Variants in BACH2 observed in about 807,000 individuals in gnomAD.
BACH2 encodes the protein BACH transcriptional regulator 2.
BACH2 carries 5 observed loss-of-function variants against 61.8 expected under a neutral mutation model. That is an observed-to-expected ratio of 0.08 (90% CI 0.04 to 0.17). The LOEUF (loss-of-function observed/expected upper bound fraction) is 0.17, where lower values mean the gene tolerates loss of function less well. Among genes scored for constraint, BACH2 ranks in the 10% least tolerant of loss-of-function variants. The probability of loss-of-function intolerance (pLI) is 1.00; values close to 1 mark genes in which losing one functional copy is unlikely to be tolerated. For synonymous variants in BACH2, 446 were observed against 440.1 expected (o/e 1.01, Z -0.17); for missense variants, 824 against 1,091.1 (o/e 0.76, Z 3.45).
At chr6:90,026,518 A>G (rs1432230065) in intron 5 of BACH2, among the ~76,000 whole-genome samples, 2 of 152,196 alleles carry the variant, frequency 1.3e-5, no homozygotes, top group Non-Finnish European at 2.9e-5. Flanking sequence ...ATAACCTGCC[A>G]AAGTTAGATT....
At chr6:90,185,351 T>TA (rs1216555864) in intron 4 of BACH2, among the ~76,000 whole-genome samples, 1 of 152,144 alleles carries the variant, frequency 6.6e-6, no homozygotes, top group Non-Finnish European at 1.5e-5. Context: ...CCTAATATTA[T>TA]AAAATCACTA....
At chr6:90,028,211 T>C (rs1459938318) in intron 5 of BACH2, among the ~76,000 whole-genome samples, 1 of 152,224 alleles carries the variant, frequency 6.6e-6, no homozygotes, top group Non-Finnish European at 1.5e-5. Flanking sequence ...TCAGGAATTA[T>C]CCTCACCACT....
intron 6 of BACH2, among the ~76,000 whole-genome samples, chr6:89,969,547 G>C (rs1290434259): frequency 6.6e-6 from 1 of 152,200 alleles, no homozygotes; most frequent in Non-Finnish European, 1.5e-5. Flanking sequence ...GGGACAGAGA[G>C]CGCAGCACCA....
intron 4 of BACH2, among the ~76,000 whole-genome samples, chr6:90,197,861 T>C (rs1768811892): frequency 6.6e-6 from 1 of 152,172 alleles, no homozygotes; most frequent in South Asian, 2.1e-4. Flanking sequence ...CCTCAAAAAA[T>C]GAGGATGAAC....
intron 4 of BACH2, among the ~76,000 whole-genome samples, chr6:90,149,465 T>C (rs369226085): frequency 6.6e-6 from 1 of 152,150 alleles, no homozygotes; most frequent in African/African-American, 2.4e-5. Context: ...CTCTGTTTGA[T>C]CTCCTGAGAG....
intron 5 of BACH2, among the ~76,000 whole-genome samples, chr6:90,065,203 C>T (rs1780885928): frequency 6.8e-6 from 1 of 147,684 alleles, no homozygotes; most frequent in South Asian, 2.1e-4. Context: ...ATCCTTGAGG[C>T]ATGTCCAGCA....
chr6:90,131,770 A>G lies in BACH2; in HGVS notation c.-161-42661T>C, dbSNP rs780322301. On this transcript the variant is annotated intron_variant, in intron 4 of 8. Transcript: ENST00000257749. ...TCAATTTTGTGGTATTGGTTCCACC[A>G]TAAGAAAGGGAACCCAAATGATGAG... Among the ~76,000 whole-genome samples, 14 of 152,242 alleles carry G rather than the reference A, an allele frequency of 9.2e-5. No homozygotes were observed. The South Asian group carries it at 2.1e-3, about 22-fold the overall frequency.
intron 7 of BACH2, among the ~76,000 whole-genome samples, chr6:89,941,163 C>G (rs1415901846): frequency 1.3e-5 from 2 of 152,176 alleles, no homozygotes; most frequent in Non-Finnish European, 2.9e-5. Flanking sequence ...ACATTTGATC[C>G]TGAGCCCAGG....
At chr6:90,239,514 T>C (rs1373596259) in intron 3 of BACH2, among the ~76,000 whole-genome samples, 2 of 152,144 alleles carry the variant, frequency 1.3e-5, no homozygotes, top group African/African-American at 4.8e-5. Context: ...TAAAAGAACA[T>C]AGCCACCCTG....
chr6:90,013,912 A>G (rs1777872040), intron 5 of BACH2, among the ~76,000 whole-genome samples: 1 of 151,710 alleles, frequency 6.6e-6, no homozygotes, highest in Non-Finnish European at 1.5e-5. Flanking sequence ...CTGAGTAGCT[A>G]GGACTACAGG....
At chr6:89,963,395 G>A (rs1386581617) in intron 6 of BACH2, among the ~76,000 whole-genome samples, 2 of 152,136 alleles carry the variant, frequency 1.3e-5, no homozygotes, top group Non-Finnish European at 2.9e-5. Flanking sequence ...CCAGGCTCAA[G>A]TGCTCCTCCC....
intron 5 of BACH2, among the ~76,000 whole-genome samples, chr6:90,063,876 C>T (rs990932597): frequency 2.6e-5 from 4 of 151,846 alleles, no homozygotes; most frequent in Non-Finnish European, 5.9e-5. Flanking sequence ...AATGATATTT[C>T]AGAAATAAGG....
chr6:89,937,379 A>T (rs543563487), intron 8 of BACH2, among the ~76,000 whole-genome samples: 5 of 152,320 alleles, frequency 3.3e-5, no homozygotes, highest in African/African-American at 1.2e-4. Flanking sequence ...AGTACTGGGA[A>T]GTTTTCCAGC....
chr6:90,122,767 C>T (rs1230035085), intron 4 of BACH2, among the ~76,000 whole-genome samples: 1 of 152,152 alleles, frequency 6.6e-6, no homozygotes, highest in East Asian at 1.9e-4. Context: ...AACTGCTTGA[C>T]AAGAGGGAGA....
chr6:90,139,032 G>C (rs1392683292), intron 4 of BACH2, among the ~76,000 whole-genome samples: 1 of 152,032 alleles, frequency 6.6e-6, no homozygotes, highest in Admixed American at 6.5e-5. Context: ...CCGTACACAT[G>C]CACTTTAGCA....
Position 90,077,707 on chromosome 6 carries a change from T to A in BACH2, c.-13+11254A>T, listed in dbSNP as rs545230506. Among the ~76,000 whole-genome samples the A allele has an allele frequency of 2.3e-4, 35 of 152,340 alleles. 1 individual carries two copies. The South Asian group carries it at 7.2e-3, about 32-fold the overall frequency. ...AAAACTAAGCCACCACTGTTTTATA[T>A]CTGTCCTGTATTTTAATTCCTTAGC... On this transcript the variant is annotated intron_variant, in intron 5 of 8. Coordinates refer to ENST00000257749, the MANE Select transcript of BACH2 (RefSeq NM_021813.4).
chr6:90,006,064 T>A (rs1347375768), intron 6 of BACH2, among the ~76,000 whole-genome samples: 3 of 152,230 alleles, frequency 2.0e-5, no homozygotes, highest in Non-Finnish European at 4.4e-5. Flanking sequence ...TATCAGGGAT[T>A]TGATCTAAAA....
At chr6:89,941,329 C>T (rs562386509) in intron 7 of BACH2, among the ~76,000 whole-genome samples, 142 of 152,304 alleles carry the variant, frequency 9.3e-4, no homozygotes, top group African/African-American at 3.3e-3. Flanking sequence ...ATCACAGCTC[C>T]GAGCTTGTGC....
In BACH2 at chr6:90,092,417, C is replaced by T. The variant is rs192482606; in HGVS notation, c.-161-3308G>A. 7.7e-3 allele frequency among the ~76,000 whole-genome samples: 1,158 copies of T among 151,026 alleles called. 14 individuals carry two copies. Among genetic ancestry groups the T allele is most frequent in the African/African-American group, 0.027 (1,115 of 41,144 alleles). ...CACCGCAAGCTAAAAGCAAGTAATG[C>T]CACATGGTATATTATCTTACATTTA... On this transcript the variant is annotated intron_variant, in intron 4 of 8. Transcript: ENST00000257749.
Sources: gnomAD v4.1 joint callset for allele counts (sites outside exome capture counted in the v4.1 genomes callset) on GRCh38, gnomAD v4.1.1 for gene constraint, MANE v1.5 for transcripts, NCBI Gene and HGNC (gene_info 2026-07-23, HGNC 2026-07-21) for gene names.